The following SOS1 variants were observed in gnomAD, a reference collection of about 807,000 sequenced individuals.
SOS1 encodes the protein SOS Ras/Rac guanine nucleotide exchange factor 1.
SOS1 carries 25 observed loss-of-function variants against 157.6 expected under a neutral mutation model. That is an observed-to-expected ratio of 0.16 (90% CI 0.12 to 0.22). The LOEUF is 0.22. Among genes scored for constraint, SOS1 ranks in the 10% least tolerant of loss-of-function variants. SOS1 has a pLI of 1.00. For synonymous variants in SOS1, 528 were observed against 534.0 expected, an observed-to-expected ratio of 0.99 and a Z score of 0.16; for missense variants, 1,237 against 1,599.1, an observed-to-expected ratio of 0.77 and a Z score of 3.86.
In SOS1 at chr2:39,056,848, T is replaced by C; in HGVS notation, c.364A>G (p.Ile122Val). The C allele has an allele frequency of 1.2e-6, 2 of 1,608,862 alleles. No individual in the cohort carries two copies. The highest frequency in any genetic ancestry group is 1.7e-6 in the Non-Finnish European group (2 of 1,175,450). ...PLLKEVLGYK[I>V]DHQVSVYIVA... ...ATGTAAACAGAAACCTGGTGGTCAATTTTATAACCTAGGACCTCCTGCAAA... is the reference window on the plus strand; with the variant it reads ...ATGTAAACAGAAACCTGGTGGTCAACTTTATAACCTAGGACCTCCTGCAAA... Residue 122 changes from isoleucine to valine, a missense_variant, in exon 4 of 23, where the codon ATT (isoleucine) becomes GTT (valine). Ile to Val is a conservative substitution (Grantham distance 29). Around this residue, in one of 15 missense-constraint regions of SOS1, gnomAD observed 37 missense variants for 38.5 expected, o/e 0.96. Transcript: ENST00000402219.
At chr2:39,085,263 G>T (rs1395120725) in intron 1 of SOS1, among the ~76,000 whole-genome samples, 1 of 152,090 alleles carries the variant, frequency 6.6e-6, no homozygotes, top group Non-Finnish European at 1.5e-5. Flanking sequence ...GCTGAGGATG[G>T]TCTCAAACTC....
chr2:39,053,006 A>G (rs1367264382), intron 5 of SOS1, among the ~76,000 whole-genome samples: 1 of 152,098 alleles, frequency 6.6e-6, no homozygotes, highest in Non-Finnish European at 1.5e-5. Context: ...TACAAAAATG[A>G]GCCAGGCGTG....
intron 1 of SOS1, among the ~76,000 whole-genome samples, chr2:39,077,193 AT>A (rs890296572): frequency 6.6e-6 from 1 of 152,006 alleles, no homozygotes; most frequent in Non-Finnish European, 1.5e-5. Context: ...AAATACAAAA[AT>A]TAACTGGGTG....
chr2:39,015,137 G>A (rs1251432117), intron 10 of SOS1, among the ~76,000 whole-genome samples: 1 of 151,926 alleles, frequency 6.6e-6, no homozygotes, highest in Non-Finnish European at 1.5e-5. Context: ...GTAAAGCAGG[G>A]AACCAGGCTC....
intron 2 of SOS1, among the ~76,000 whole-genome samples, chr2:39,062,090 G>A (rs1467431910): frequency 1.3e-5 from 2 of 151,964 alleles, no homozygotes; most frequent in Non-Finnish European, 2.9e-5. Flanking sequence ...AATTATTTGG[G>A]GAATCTAAAT....
At chr2:39,100,147 ACT>A (rs1672911115) in intron 1 of SOS1, among the ~76,000 whole-genome samples, 1 of 151,978 alleles carries the variant, frequency 6.6e-6, no homozygotes. Flanking sequence ...TGTTAGAATG[ACT>A]CTTTTGGTAA....
At position 39,056,734 on chromosome 2, in the gene SOS1, G is replaced by T; in HGVS notation, c.478C>A (p.Gln160Lys). The change falls in exon 4 of 23, where the codon CAA becomes AAA. Residue 160 changes from glutamine (Q) to lysine (K), a missense_variant. By Grantham distance (53) the Gln-to-Lys change is moderately conservative. Around this residue, in one of 15 missense-constraint regions of SOS1, gnomAD observed 17 missense variants for 52.7 expected, o/e 0.32. Transcript: ENST00000402219. Reference sequence around the variant, plus strand: ...GCACACATTGCCACTTTAATATCTTGTTTTGTAATTTCATAATGCCGTATA... The same window carrying T: ...GCACACATTGCCACTTTAATATCTTTTTTTGTAATTTCATAATGCCGTATA... ...RNIRHYEITKQDIKVAMCADK... is the reference protein window; with the variant it reads ...RNIRHYEITKKDIKVAMCADK... The T allele has an allele frequency of 6.2e-7, 1 of 1,607,086 alleles. No individual in the cohort carries two copies. The highest frequency in any genetic ancestry group is 8.5e-7 in the Non-Finnish European group (1 of 1,173,858).
intron 1 of SOS1, among the ~76,000 whole-genome samples, chr2:39,074,556 TAAATAAAA>T (rs1671899622): frequency 6.6e-6 from 1 of 151,726 alleles, no homozygotes; most frequent in African/African-American, 2.4e-5. Context: ...ATCTTTCCCA[TAAATAAAA>T]TAAACTAAAA....
At position 39,006,315 on chromosome 2, in the gene SOS1, T is replaced by C; in HGVS notation, c.2791+97A>G. On this transcript the variant is annotated intron_variant, in intron 17 of 22. Transcript: ENST00000402219. ...AAATATTGATCAAACAAGTATTTTCTGCTGGCATATTACACATGTAATTAT... is the reference window on the plus strand; with the variant it reads ...AAATATTGATCAAACAAGTATTTTCCGCTGGCATATTACACATGTAATTAT... The C allele has an allele frequency of 1.9e-5, 15 of 781,810 alleles. No homozygotes were observed. In the South Asian group the frequency reaches 2.1e-4, roughly 11 times the overall value. 48.4% of individuals were successfully genotyped at this position (781,810 alleles called of 1,614,324 possible). A position where few individuals can be genotyped will look rare whatever the true frequency, so the allele number is the denominator to read the frequency against.
Position 39,116,496 on chromosome 2 carries a change from G to A in SOS1, c.87+3840C>T, listed in dbSNP as rs565668353. On this transcript the variant is annotated intron_variant, in intron 1 of 22. Transcript: ENST00000402219. ...CTTCTAACTTTTCTCCTCACTTTAC[G>A]TCTCATTCTTCTCCAAACCATTTTC... 1.1e-4 allele frequency among the ~76,000 whole-genome samples: 17 copies of A among 152,170 alleles called. No homozygotes were observed. In the East Asian group the frequency reaches 1.2e-3, roughly 10 times the overall value.
chr2:39,051,792 A>G (rs1009359201), intron 5 of SOS1, among the ~76,000 whole-genome samples: 34 of 152,242 alleles, frequency 2.2e-4, no homozygotes, highest in African/African-American at 8.2e-4. Context: ...AGAAGACAGC[A>G]GGATTTTCAT....
At chr2:39,003,201 C>T (rs1669169953) in intron 17 of SOS1, among the ~76,000 whole-genome samples, 1 of 151,348 alleles carries the variant, frequency 6.6e-6, no homozygotes, top group Non-Finnish European at 1.5e-5. Context: ...TAAATTAAAG[C>T]AAGTAAGTGA....
chr2:38,986,379 G>A, intron 22 of SOS1, 64 bp from the exon 23 acceptor site: 1 of 1,434,308 alleles, frequency 7.0e-7, no homozygotes, highest in Non-Finnish European at 9.5e-7. Flanking sequence ...ATGACTATAA[G>A]AATTAAGTTG....
intron 1 of SOS1, among the ~76,000 whole-genome samples, chr2:39,119,959 C>T (rs1462068349): frequency 6.6e-6 from 1 of 152,160 alleles, no homozygotes; most frequent in Non-Finnish European, 1.5e-5. Flanking sequence ...GTACTGGACA[C>T]CTAAAACGGT....
chr2:39,110,559 AAAAAG>A (rs1347622459), intron 1 of SOS1, among the ~76,000 whole-genome samples: 1 of 152,240 alleles, frequency 6.6e-6, no homozygotes. Context: ...TAAAAAAAAA[AAAAAG>A]AAGAGGGTTT....
At chr2:39,106,668 TTCCCATGTATATCTCCAC>T (rs1175823925) in intron 1 of SOS1, among the ~76,000 whole-genome samples, 1 of 152,064 alleles carries the variant, frequency 6.6e-6, no homozygotes, top group Non-Finnish European at 1.5e-5. Context: ...ATTACTTATT[TTCCCATGTATATCTCCAC>T]TCCCAACTCC....
At chr2:39,028,781 A>C (rs1572835619) in intron 8 of SOS1, among the ~76,000 whole-genome samples, 1 of 152,362 alleles carries the variant, frequency 6.6e-6, no homozygotes, top group East Asian at 1.9e-4. Flanking sequence ...ATAAAAATAA[A>C]GATCTCCATT....
Position 38,986,327 on chromosome 2 carries a change from A to G in SOS1, c.3511-12T>C. Reference sequence around the variant, plus strand: ...TGCTTAGACATAATCTAACAAATGAAAAGAATAAAATACACATTTATTAAT... The same window carrying G: ...TGCTTAGACATAATCTAACAAATGAGAAGAATAAAATACACATTTATTAAT... On this transcript the variant is annotated splice_polypyrimidine_tract_variant and intron_variant, in intron 22 of 22. Transcript: ENST00000402219. The G allele has an allele frequency of 6.2e-7, 1 of 1,607,382 alleles. No homozygotes were observed. The highest frequency in any genetic ancestry group is 8.5e-7 in the Non-Finnish European group (1 of 1,175,732).
chr2:39,064,692 T>C (rs568330781), intron 2 of SOS1, among the ~76,000 whole-genome samples: 2 of 151,428 alleles, frequency 1.3e-5, no homozygotes, highest in South Asian at 4.1e-4. Flanking sequence ...TCAGAAAGAT[T>C]TTTAAATGTG....
Sources: gnomAD v4.1 joint callset for allele counts (sites outside exome capture counted in the v4.1 genomes callset) on GRCh38, gnomAD v4.1.1 for gene constraint, gnomAD v4.1.1 regional missense constraint, MANE v1.5 for transcripts, NCBI Gene and HGNC (gene_info 2026-07-23, HGNC 2026-07-21) for gene names.